ADAMTS6: variants seen among roughly 807,000 people sequenced by gnomAD.
The protein encoded by ADAMTS6 is A disintegrin and metalloproteinase with thrombospondin motifs 6.
A neutral mutation model predicts 144.3 loss-of-function variants in ADAMTS6; 23 were observed. The ratio of observed to expected loss-of-function variants is 0.16; its 90% CI spans 0.11 to 0.23. The LOEUF is 0.23. ADAMTS6 is among the 10% of genes least tolerant of loss of function. The pLI, the probability that ADAMTS6 is intolerant of heterozygous loss-of-function variation, is 1.00. For synonymous variants in ADAMTS6, 444 were observed against 457.5 expected, an observed-to-expected ratio of 0.97 and a Z score of 0.38; for missense variants, 999 against 1,379.6, an observed-to-expected ratio of 0.72 and a Z score of 4.37.
At chr5:65,233,421 C>T (rs1758411346) in intron 15 of ADAMTS6, among the ~76,000 whole-genome samples, 1 of 151,980 alleles carries the variant, frequency 6.6e-6, no homozygotes, top group African/African-American at 2.4e-5. Flanking sequence ...ACAACATATT[C>T]TTATACATAG....
chr5:65,296,702 C>T (rs538329374), intron 10 of ADAMTS6, among the ~76,000 whole-genome samples: 1 of 152,210 alleles, frequency 6.6e-6, no homozygotes, highest in East Asian at 1.9e-4. Context: ...CTACAATCAC[C>T]TTTCTTCCTA....
intron 7 of ADAMTS6, among the ~76,000 whole-genome samples, chr5:65,402,447 G>A (rs1754001693): frequency 6.6e-6 from 1 of 151,904 alleles, no homozygotes; most frequent in Non-Finnish European, 1.5e-5. Context: ...ATTTCACTAG[G>A]GACTTTCTCC....
chr5:65,399,868 A>G (rs1753771781), intron 7 of ADAMTS6, among the ~76,000 whole-genome samples: 1 of 152,164 alleles, frequency 6.6e-6, no homozygotes, highest in South Asian at 2.1e-4. Flanking sequence ...CTCTTCAATT[A>G]TTTACATAGA....
In ADAMTS6 at chr5:65,473,057, T is replaced by C. The variant is rs1760586829; in HGVS notation, c.97+520A>G. On this transcript the variant is annotated intron_variant, in intron 2 of 24. Transcript: ENST00000381055. ...TTCTACGATATAAAGCTCAATTCTATAGATTAAAATTATAAAGATTAGAAT... is the reference window on the plus strand; with the variant it reads ...TTCTACGATATAAAGCTCAATTCTACAGATTAAAATTATAAAGATTAGAAT... 2.0e-5 allele frequency among the ~76,000 whole-genome samples: 3 copies of C among 152,170 alleles called. 1 individual carries two copies. In the South Asian group the frequency reaches 6.2e-4, roughly 31 times the overall value.
At chr5:65,469,681 T>C (rs1280433117) in intron 3 of ADAMTS6, among the ~76,000 whole-genome samples, 2 of 152,210 alleles carry the variant, frequency 1.3e-5, no homozygotes, top group Admixed American at 6.5e-5. Context: ...AAGTAGACAA[T>C]TGGAGCACAT....
chr5:65,383,794 T>C (rs914895518), intron 7 of ADAMTS6, among the ~76,000 whole-genome samples: 4 of 152,044 alleles, frequency 2.6e-5, no homozygotes, highest in Non-Finnish European at 5.9e-5. Context: ...CCCTCTATGG[T>C]GACTCCCCTC....
intron 7 of ADAMTS6, among the ~76,000 whole-genome samples, chr5:65,446,442 C>A (rs1451194598): frequency 1.3e-5 from 2 of 152,086 alleles, no homozygotes; most frequent in African/African-American, 2.4e-5. Flanking sequence ...GGATAAAATG[C>A]CCATTTTAAT....
intron 23 of ADAMTS6, 135 bp from the exon 24 acceptor site, chr5:65,170,908 G>T: frequency 1.1e-6 from 1 of 917,288 alleles, no homozygotes; most frequent in Non-Finnish European, 1.5e-6. Context: ...GTCTTGCTAT[G>T]TTGGCCAGGC....
At position 65,304,284 on chromosome 5, in the gene ADAMTS6, C is replaced by T. The variant is rs78243661; in HGVS notation, c.1224-4153G>A. Reference sequence around the variant, plus strand: ...CAATGTTAAGTTTACAACTGACATTCATGACATCAGCTTCAAAAGATCCCT... The same window carrying T: ...CAATGTTAAGTTTACAACTGACATTTATGACATCAGCTTCAAAAGATCCCT... On this transcript the variant is annotated intron_variant, in intron 9 of 24. Transcript: ENST00000381055. 5.1e-3 allele frequency among the ~76,000 whole-genome samples: 777 copies of T among 152,312 alleles called. 6 individuals are homozygous for T. Among genetic ancestry groups the T allele is most frequent in the African/African-American group, 0.018 (738 of 41,558 alleles).
At chr5:65,171,163 C>A (rs1031858108) in intron 23 of ADAMTS6, among the ~76,000 whole-genome samples, 2 of 152,064 alleles carry the variant, frequency 1.3e-5, no homozygotes, top group African/African-American at 4.8e-5. Context: ...GCACCCGCCA[C>A]CACATCCGGC....
intron 7 of ADAMTS6, among the ~76,000 whole-genome samples, chr5:65,430,622 G>C (rs1352170889): frequency 1.3e-5 from 2 of 152,108 alleles, no homozygotes; most frequent in Non-Finnish European, 2.9e-5. Context: ...CCTACCCAAT[G>C]TAAATAAAGC....
At chr5:65,437,362 G>A (rs974820146) in intron 7 of ADAMTS6, among the ~76,000 whole-genome samples, 3 of 152,064 alleles carry the variant, frequency 2.0e-5, no homozygotes, top group African/African-American at 7.2e-5. Context: ...CCAAAGTGCT[G>A]GGATTACAGG....
At chr5:65,189,518 A>G (rs1015983006) in intron 21 of ADAMTS6, among the ~76,000 whole-genome samples, 2 of 152,184 alleles carry the variant, frequency 1.3e-5, no homozygotes, top group Non-Finnish European at 2.9e-5. Flanking sequence ...GATTCCAGCC[A>G]TTTCTCAAGC....
chr5:65,167,961 T>A (rs1331877638), intron 24 of ADAMTS6, among the ~76,000 whole-genome samples: 5 of 120,678 alleles, frequency 4.1e-5, no homozygotes, highest in African/African-American at 6.6e-5. Flanking sequence ...GCATTCCCTT[T>A]GAAAACTGGC....
In ADAMTS6 at chr5:65,334,063, T is replaced by C; in HGVS notation, c.1096A>G (p.Asn366Asp). 1 of 1,469,704 alleles carries C rather than the reference T, an allele frequency of 6.8e-7. No homozygotes were observed. The highest frequency in any genetic ancestry group is 9.0e-7 in the Non-Finnish European group (1 of 1,116,086). 91.0% of individuals were successfully genotyped at this position (1,469,704 alleles called of 1,614,324 possible). ...TTACCCAGTGTTCCACAGGGCTTAT[T>C]TTTATAAGTGCAGATATCATATCTA... is the stretch of plus-strand genomic sequence containing the variant. ...ITRYDICTYK[N>D]KPCGTLGLAS... The change falls in exon 8 of 25, where the codon AAT becomes GAT. Residue 366 changes from asparagine to aspartate, a missense_variant. By Grantham distance (23) the Asn-to-Asp change is conservative. Around this residue, in one of 3 missense-constraint regions of ADAMTS6, gnomAD observed 128 missense variants for 249.0 expected, o/e 0.51. Transcript: ENST00000381055.
intron 7 of ADAMTS6, among the ~76,000 whole-genome samples, chr5:65,342,325 A>G (rs1291077863): frequency 2.6e-5 from 4 of 152,136 alleles, no homozygotes. Flanking sequence ...CATGTCTCAC[A>G]TGGTGGCAGA....
rs554610408 is a variant in ADAMTS6, at chr5:65,211,611, A to G, written c.2575+3183T>C. On this transcript the variant is annotated intron_variant, in intron 20 of 24. Coordinates refer to ENST00000381055, the MANE Select transcript of ADAMTS6 (RefSeq NM_197941.4). ...GGTGAGACTCTGTCTCAAAACACAAAAAAACCCAAAACAAAACAAAAAATA... is the reference window on the plus strand; with the variant it reads ...GGTGAGACTCTGTCTCAAAACACAAGAAAACCCAAAACAAAACAAAAAATA... Among the ~76,000 whole-genome samples, 3 of 152,274 alleles carry G rather than the reference A, an allele frequency of 2.0e-5. No homozygotes were observed. In the South Asian group the frequency reaches 6.2e-4, roughly 32 times the overall value.
At chr5:65,382,653 C>T (rs1277508336) in intron 7 of ADAMTS6, among the ~76,000 whole-genome samples, 1 of 152,224 alleles carries the variant, frequency 6.6e-6, no homozygotes, top group African/African-American at 2.4e-5. Context: ...TTGCCTTCCT[C>T]CTGCCACAGG....
At position 65,188,072 on chromosome 5, in the gene ADAMTS6, C is replaced by G; in HGVS notation, c.2854G>C (p.Glu952Gln). The change falls in exon 22 of 25, where the codon GAG becomes CAG. Residue 952 changes from glutamate (E) to glutamine (Q), a missense_variant. Glu to Gln is a conservative substitution (Grantham distance 29, BLOSUM62 2). Around this residue, in one of 3 missense-constraint regions of ADAMTS6, gnomAD observed 619 missense variants for 837.0 expected, o/e 0.74. Coordinates refer to ENST00000381055, the MANE Select transcript of ADAMTS6 (RefSeq NM_197941.4). ...GCLTHRPVEK[E>Q]PCNNQSCPPQ... is the part of the protein sequence containing the mutation. ...GGACATGACTGGTTGTTGCAGGGCT[C>G]TTTTTCGACAGGCCGGTGTGTTAAA... 6.2e-7 allele frequency: 1 copy of G among 1,614,124 alleles called. No individual in the cohort carries two copies. The highest frequency in any genetic ancestry group is 8.5e-7 in the Non-Finnish European group (1 of 1,179,998).
Sources: gnomAD v4.1 joint callset for allele counts (sites outside exome capture counted in the v4.1 genomes callset) on GRCh38, gnomAD v4.1.1 for gene constraint, gnomAD v4.1.1 regional missense constraint, MANE v1.5 for transcripts, NCBI Gene and HGNC (gene_info 2026-07-23, HGNC 2026-07-21) for gene names.